The following CCSER1 variants were observed in gnomAD, a reference collection of about 807,000 sequenced individuals.
CCSER1 encodes coiled-coil serine rich protein 1, also known as serine-rich coiled-coil domain-containing protein 1.
CCSER1 carries 41 observed loss-of-function variants against 82.0 expected under a neutral mutation model. The observed-to-expected ratio is 0.50, with a 90% CI of 0.39 to 0.65. CCSER1 has a LOEUF of 0.65. Ranked by LOEUF, CCSER1 falls within the 30% of genes least tolerant of loss-of-function variation. CCSER1 has a pLI of 0.00. For missense variants in CCSER1, 1,119 were observed against 1,064.2 expected (o/e 1.05, Z -0.72); for synonymous variants, 414 against 383.9 (o/e 1.08, Z -0.92).
chr4:91,452,348 C>T (rs6834057), intron 10 of CCSER1, among the ~76,000 whole-genome samples: 14,996 of 152,002 alleles, frequency 0.099, 812 homozygotes, highest in Non-Finnish European at 0.12. Context: ...ATGGACTCCA[C>T]GTGACTGTAA....
At chr4:91,105,931 T>C (rs775537455) in intron 10 of CCSER1, among the ~76,000 whole-genome samples, 1 of 152,116 alleles carries the variant, frequency 6.6e-6, no homozygotes, top group Non-Finnish European at 1.5e-5. Context: ...TGCAGAAACA[T>C]CAAAGTGTTT....
intron 9 of CCSER1, among the ~76,000 whole-genome samples, chr4:91,059,354 C>T (rs183871588): frequency 1.7e-3 from 140 of 81,694 alleles, no homozygotes; most frequent in South Asian, 7.2e-3. Context: ...TATATATACA[C>T]GTGTGTATGT....
chr4:90,228,002 C>T lies in CCSER1; in HGVS notation c.-41-80242C>T, dbSNP rs186246491. Among the ~76,000 whole-genome samples, 302 of 152,314 alleles carry T rather than the reference C, an allele frequency of 2.0e-3. 4 individuals are homozygous for T. The South Asian group carries it at 0.033, about 17-fold the overall frequency. On this transcript the variant is annotated intron_variant, in intron 1 of 10. Coordinates refer to ENST00000509176, the MANE Select transcript of CCSER1 (RefSeq NM_001145065.2). ...CATGGAGTCTCACTGATTGCTAGCACAGCAGTCTGAGATCAAACTGCAAGG... is the reference window on the plus strand; with the variant it reads ...CATGGAGTCTCACTGATTGCTAGCATAGCAGTCTGAGATCAAACTGCAAGG...
intron 1 of CCSER1, among the ~76,000 whole-genome samples, chr4:90,157,328 T>C (rs1381379602): frequency 3.3e-5 from 5 of 152,320 alleles, no homozygotes; most frequent in East Asian, 1.9e-4. Context: ...ATTTCAACTT[T>C]GGTGAATCTG....
chr4:91,512,101 G>T (rs2110117802), intron 10 of CCSER1, among the ~76,000 whole-genome samples: 1 of 152,242 alleles, frequency 6.6e-6, no homozygotes, highest in East Asian at 1.9e-4. Context: ...AGTTCTCCTT[G>T]TAGAGATCTG....
intron 1 of CCSER1, among the ~76,000 whole-genome samples, chr4:90,133,484 G>GAAAACAGCTATAATCTTATCCAA (rs1296643742): frequency 6.6e-6 from 1 of 152,070 alleles, no homozygotes; most frequent in Non-Finnish European, 1.5e-5. Flanking sequence ...CCTTTCTTTG[G>GAAAACAGCTATAATCTTATCCAA]ATAAGATTAT....
chr4:90,999,695 T>C (rs1166269792), intron 9 of CCSER1, among the ~76,000 whole-genome samples: 2 of 152,148 alleles, frequency 1.3e-5, no homozygotes, highest in Admixed American at 1.3e-4. Context: ...GCTTCTTCTG[T>C]TGATAGTTTC....
At chr4:90,491,638 A>T (rs1281224489) in intron 5 of CCSER1, among the ~76,000 whole-genome samples, 1 of 152,098 alleles carries the variant, frequency 6.6e-6, no homozygotes, top group East Asian at 1.9e-4. Flanking sequence ...ATTCAGTATG[A>T]TATTGGCTCT....
rs184091689 is a variant in CCSER1 at position 90,758,405 on chromosome 4, A to G, written c.2010+34414A>G. ...TTTTTTTGAATAAAAAACTTAAGACATATATTTGGGGAAAAATAAAATGTT... is the reference window on the plus strand; with the variant it reads ...TTTTTTTGAATAAAAAACTTAAGACGTATATTTGGGGAAAAATAAAATGTT... On this transcript the variant is annotated intron_variant, in intron 7 of 10. Coordinates refer to ENST00000509176, the MANE Select transcript of CCSER1 (RefSeq NM_001145065.2). Among the ~76,000 whole-genome samples the G allele has an allele frequency of 2.7e-4, 41 of 152,292 alleles. No homozygotes were observed. The East Asian group carries it at 7.3e-3, about 27-fold the overall frequency.
chr4:90,736,476 C>T (rs776976247), intron 7 of CCSER1, among the ~76,000 whole-genome samples: 5 of 151,872 alleles, frequency 3.3e-5, no homozygotes, highest in Non-Finnish European at 7.4e-5. Flanking sequence ...TTGTGTCTTT[C>T]TATATTTTTT....
chr4:90,745,421 C>G (rs747944886), intron 7 of CCSER1, among the ~76,000 whole-genome samples: 23 of 152,166 alleles, frequency 1.5e-4, no homozygotes, highest in Non-Finnish European at 3.1e-4. Flanking sequence ...TCATCTGATT[C>G]TTTCATTCCC....
At chr4:90,305,606 A>G (rs558701859) in intron 1 of CCSER1, among the ~76,000 whole-genome samples, 2 of 152,290 alleles carry the variant, frequency 1.3e-5, no homozygotes, top group South Asian at 2.1e-4. Flanking sequence ...ATGTCTGTTT[A>G]TGTTTTAGGT....
At chr4:90,947,289 A>G (rs191456701) in intron 9 of CCSER1, among the ~76,000 whole-genome samples, 6 of 152,302 alleles carry the variant, frequency 3.9e-5, no homozygotes, top group Admixed American at 2.6e-4. Context: ...GGAAAGTATC[A>G]TTTGGTAAAT....
intron 10 of CCSER1, among the ~76,000 whole-genome samples, chr4:91,583,894 A>G (rs1256818613): frequency 6.6e-6 from 1 of 151,364 alleles, no homozygotes; most frequent in East Asian, 1.9e-4. Context: ...TGTTGGCCAG[A>G]TGAAGTGAGG....
chr4:91,464,270 G>A (rs1756715468), intron 10 of CCSER1, among the ~76,000 whole-genome samples: 1 of 152,104 alleles, frequency 6.6e-6, no homozygotes, highest in African/African-American at 2.4e-5. Context: ...ATAAGTGAAG[G>A]AGAAGTAAAA....
chr4:90,565,941 G>C (rs1376327966), intron 5 of CCSER1, among the ~76,000 whole-genome samples: 5 of 150,278 alleles, frequency 3.3e-5, no homozygotes, highest in African/African-American at 4.9e-5. Flanking sequence ...GCTCACTGCA[G>C]CCTCTGCCTC....
In CCSER1 at chr4:91,598,825, C is replaced by T. The variant is rs1475124117; in HGVS notation, c.2471C>T (p.Thr824Ile). 1 of 1,551,610 alleles carries T rather than the reference C, an allele frequency of 6.4e-7. No individual in the cohort carries two copies. Among genetic ancestry groups the T allele is most frequent in the East Asian group, 2.4e-5 (1 of 40,916 alleles). The change falls in exon 11 of 11, where the codon ACC (threonine) becomes ATC (isoleucine). Residue 824 changes from threonine to isoleucine, a missense_variant. By Grantham distance (89) the Thr-to-Ile change is moderately conservative. Coordinates refer to ENST00000509176, the MANE Select transcript of CCSER1 (RefSeq NM_001145065.2). ...GACGTTACACAGAACTTACGGGCCACCGTTGGGCAGAGCTCTCTGAAGCCA... is the reference window on the plus strand; with the variant it reads ...GACGTTACACAGAACTTACGGGCCATCGTTGGGCAGAGCTCTCTGAAGCCA... ...TSDVTQNLRA[T>I]VGQSSLKPTA...
chr4:90,378,874 G>T (rs1748772551), intron 3 of CCSER1, among the ~76,000 whole-genome samples: 1 of 152,170 alleles, frequency 6.6e-6, no homozygotes, highest in East Asian at 1.9e-4. Flanking sequence ...ACAGAGAATA[G>T]TACTTTATCC....
chr4:91,549,896 C>T (rs764509149), intron 10 of CCSER1, among the ~76,000 whole-genome samples: 8 of 151,820 alleles, frequency 5.3e-5, no homozygotes, highest in African/African-American at 9.7e-5. Context: ...ACTTCACTGC[C>T]GCTTCTCAGT....
Sources: allele counts gnomAD v4.1 joint callset (sites outside exome capture counted in the v4.1 genomes callset), GRCh38; gene constraint gnomAD v4.1.1; transcripts MANE v1.5; gene names NCBI Gene and HGNC (gene_info 2026-07-23, HGNC 2026-07-21).